The following POLR3B variants were observed in gnomAD, a reference collection of about 807,000 sequenced individuals.
The protein encoded by POLR3B is DNA-directed RNA polymerase III subunit RPC2.
POLR3B carries 96 observed loss-of-function variants against 147.4 expected under a neutral mutation model. The observed-to-expected ratio is 0.65, with a 90% CI of 0.55 to 0.77. POLR3B has a LOEUF of 0.77. POLR3B is among the 30% of genes least tolerant of loss of function. The pLI, the probability that POLR3B is intolerant of heterozygous loss-of-function variation, is 0.00. For synonymous variants in POLR3B, 461 were observed against 485.9 expected, an observed-to-expected ratio of 0.95 and a Z score of 0.67; for missense variants, 1,036 against 1,413.5, an observed-to-expected ratio of 0.73 and a Z score of 4.28.
intron 23 of POLR3B, among the ~76,000 whole-genome samples, chr12:106,471,133 T>G (rs919113356): frequency 2.6e-5 from 4 of 152,152 alleles, no homozygotes; most frequent in Non-Finnish European, 5.9e-5. Context: ...TTGTTTACAC[T>G]GTGAACATGG....
chr12:106,365,822 G>C (rs1267415619), intron 2 of POLR3B, among the ~76,000 whole-genome samples: 1 of 150,512 alleles, frequency 6.6e-6, no homozygotes, highest in African/African-American at 2.5e-5. Flanking sequence ...TCGCACCACT[G>C]TACTCCAGCC....
At chr12:106,467,362 T>C (rs1047601334) in intron 23 of POLR3B, among the ~76,000 whole-genome samples, 7 of 152,156 alleles carry the variant, frequency 4.6e-5, no homozygotes, top group Non-Finnish European at 7.3e-5. Flanking sequence ...GCTGAGACGA[T>C]GGGGTTTTCT....
At chr12:106,398,583 C>T (rs1009266311) in intron 10 of POLR3B, among the ~76,000 whole-genome samples, 35 of 152,192 alleles carry the variant, frequency 2.3e-4, no homozygotes, top group Non-Finnish European at 4.0e-4. Flanking sequence ...AGGCACCCCC[C>T]AGTAGGGGCG....
chr12:106,482,893 C>A (rs116929969), intron 23 of POLR3B, among the ~76,000 whole-genome samples: 28 of 152,244 alleles, frequency 1.8e-4, no homozygotes, highest in Admixed American at 4.6e-4. Flanking sequence ...ACTCACTACT[C>A]CCAGAATAAG....
chr12:106,362,947 C>T (rs1045400684), intron 1 of POLR3B, among the ~76,000 whole-genome samples: 2 of 152,030 alleles, frequency 1.3e-5, no homozygotes, highest in African/African-American at 2.4e-5. Context: ...CAGTCTATCC[C>T]CCCAAGCACC....
chr12:106,490,264 G>A (rs2038390306), intron 23 of POLR3B, among the ~76,000 whole-genome samples: 1 of 152,154 alleles, frequency 6.6e-6, no homozygotes, highest in South Asian at 2.1e-4. Context: ...ATTCAGCCGT[G>A]TGTATTTTGT....
chr12:106,471,236 G>A (rs2038086513), intron 23 of POLR3B, among the ~76,000 whole-genome samples: 1 of 152,194 alleles, frequency 6.6e-6, no homozygotes, highest in Non-Finnish European at 1.5e-5. Flanking sequence ...CGCTAACAGT[G>A]AGCAAGGCTC....
At chr12:106,422,063 T>C (rs1267827719) in intron 12 of POLR3B, among the ~76,000 whole-genome samples, 5 of 152,206 alleles carry the variant, frequency 3.3e-5, no homozygotes, top group African/African-American at 9.6e-5. Context: ...TGTCAACTTA[T>C]CTAACTTTTA....
chr12:106,380,626 A>G (rs949065706), intron 9 of POLR3B, among the ~76,000 whole-genome samples: 1 of 152,152 alleles, frequency 6.6e-6, no homozygotes, highest in East Asian at 1.9e-4. Context: ...GCATGTGCCT[A>G]TAGTTTCAGC....
chr12:106,378,612 C>T (rs2036714340), intron 8 of POLR3B, among the ~76,000 whole-genome samples: 1 of 151,738 alleles, frequency 6.6e-6, no homozygotes, highest in Non-Finnish European at 1.5e-5. Flanking sequence ...ACTGTTTAAG[C>T]TGAATTTTAT....
intron 12 of POLR3B, among the ~76,000 whole-genome samples, chr12:106,412,042 C>T (rs1017316777): frequency 2.6e-5 from 4 of 152,148 alleles, no homozygotes; most frequent in African/African-American, 2.4e-5. Flanking sequence ...CTAATTTCAA[C>T]GTCTCAGTCA....
chr12:106,442,475 T>A (rs2037664861), intron 18 of POLR3B, among the ~76,000 whole-genome samples: 1 of 152,212 alleles, frequency 6.6e-6, no homozygotes, highest in African/African-American at 2.4e-5. Flanking sequence ...TTTCCCTTCC[T>A]GCTTAACAAA....
intron 23 of POLR3B, among the ~76,000 whole-genome samples, chr12:106,480,851 AATG>A (rs1467129335): frequency 6.6e-6 from 1 of 151,816 alleles, no homozygotes; most frequent in Non-Finnish European, 1.5e-5. Context: ...GTGCTGAGGG[AATG>A]ATATGTCGTG....
intron 21 of POLR3B, among the ~76,000 whole-genome samples, chr12:106,458,450 T>A (rs1480377370): frequency 1.3e-5 from 2 of 152,158 alleles, no homozygotes; most frequent in African/African-American, 4.8e-5. Context: ...AGCAATGATA[T>A]ATTCAGATAT....
intron 19 of POLR3B, among the ~76,000 whole-genome samples, chr12:106,450,431 T>C (rs1565900266): frequency 6.6e-6 from 1 of 152,128 alleles, no homozygotes; most frequent in African/African-American, 2.4e-5. Flanking sequence ...AACCATAGAA[T>C]GGGAGAAAGT....
At position 106,463,581 on chromosome 12, in the gene POLR3B, G is replaced by A; in HGVS notation, c.2674G>A (p.Glu892Lys). The A allele has an allele frequency of 6.2e-7, 1 of 1,613,752 alleles. No individual in the cohort carries two copies. The highest frequency in any genetic ancestry group is 1.7e-5 in the Admixed American group (1 of 59,984). Residue 892 changes from glutamate (E) to lysine (K), a missense_variant, in exon 23 of 28, where the codon GAA (glutamate) becomes AAA (lysine). Physicochemically the swap from Glu to Lys is moderately conservative, Grantham distance 56. Coordinates refer to ENST00000228347, the MANE Select transcript of POLR3B (RefSeq NM_018082.6). Reference sequence around the variant, plus strand: ...GCTGCTGAGACAGACAAGGCGTCCAGAAATTGGAGACAAATTCAGCAGTCG... The same window carrying A: ...GCTGCTGAGACAGACAAGGCGTCCAAAAATTGGAGACAAATTCAGCAGTCG... ...KMLLRQTRRP[E>K]IGDKFSSRHG... is the part of the protein sequence containing the mutation.
intron 25 of POLR3B, among the ~76,000 whole-genome samples, chr12:106,499,886 A>T (rs2038569173): frequency 6.6e-6 from 1 of 152,192 alleles, no homozygotes; most frequent in African/African-American, 2.4e-5. Context: ...TGAGAGTGTG[A>T]TCAGGGACAC....
At chr12:106,399,863 C>A (rs2037037448) in intron 10 of POLR3B, among the ~76,000 whole-genome samples, 1 of 152,182 alleles carries the variant, frequency 6.6e-6, no homozygotes, top group African/African-American at 2.4e-5. Flanking sequence ...GTAACTGGTA[C>A]CAGCCACTAC....
chr12:106,460,764 T>TCATCTTCTCACC (rs1367189089), intron 22 of POLR3B, among the ~76,000 whole-genome samples: 7 of 152,314 alleles, frequency 4.6e-5, no homozygotes, highest in African/African-American at 1.7e-4. Context: ...CCTTTTTCTG[T>TCATCTTCTCACC]CATCTTCTCT....
Sources: gnomAD v4.1 joint callset for allele counts (sites outside exome capture counted in the v4.1 genomes callset) on GRCh38, gnomAD v4.1.1 for gene constraint, MANE v1.5 for transcripts, NCBI Gene and HGNC (gene_info 2026-07-23, HGNC 2026-07-21) for gene names.